GRHL3: variants seen among roughly 807,000 people sequenced by gnomAD.
GRHL3 encodes grainyhead like transcription factor 3.
In GRHL3, 20 loss-of-function variants were observed where a neutral mutation model predicts 70.3. The observed-to-expected ratio is 0.28, with a 90% CI of 0.20 to 0.41. GRHL3 has a LOEUF of 0.41. Among genes scored for constraint, GRHL3 ranks in the 10% least tolerant of loss-of-function variants. GRHL3 has a pLI of 1.00. For synonymous variants in GRHL3, 299 were observed against 299.9 expected (o/e 1.00, Z 0.03); for missense variants, 637 against 762.3 (o/e 0.84, Z 1.94).
intron 13 of GRHL3, 52 bp from the exon 14 acceptor site, chr1:24,347,416 T>G: frequency 1.0e-5 from 15 of 1,433,328 alleles, no homozygotes; most frequent in Non-Finnish European, 1.2e-5. Context: ...GCCCCTGAGA[T>G]GATCCTGTTC....
At chr1:24,358,919 AAAG>A (rs1640904610), downstream of GRHL3, among the ~76,000 whole-genome samples, 1 of 152,228 alleles carries the variant, frequency 6.6e-6, no homozygotes, top group African/African-American at 2.4e-5. Context: ...CAATATTCTT[AAAG>A]AAGCAAGGTG....
At chr1:24,347,830 TG>T (rs1208192340) in intron 14 of GRHL3, among the ~76,000 whole-genome samples, 1 of 152,220 alleles carries the variant, frequency 6.6e-6, no homozygotes, top group Non-Finnish European at 1.5e-5. Context: ...CAGGGTTTTT[TG>T]TTGGCTTTGC....
intron 15 of GRHL3, among the ~76,000 whole-genome samples, chr1:24,360,567 A>G (rs1392781362): frequency 6.6e-6 from 1 of 152,250 alleles, no homozygotes. Flanking sequence ...TCTTCAGCCA[A>G]CTGCAGAGTC....
rs551243839 is a variant in GRHL3 at position 24,338,155 on chromosome 1, C to G, written c.952+52C>G. 14 of 1,237,300 alleles carry G rather than the reference C, an allele frequency of 1.1e-5. No homozygotes were observed. The South Asian group carries it at 1.5e-4, about 13-fold the overall frequency. The allele number at this position is 1,237,300 out of a possible 1,614,324, so 76.6% of individuals were successfully genotyped here. On this transcript the variant is annotated intron_variant, in intron 7 of 15. Transcript: ENST00000361548. Reference sequence around the variant, plus strand: ...CAGCTCCCCTCTCTCTCCCCACCCCCGCATCAATCAGGCCTTTTTCTTACT... The same window carrying G: ...CAGCTCCCCTCTCTCTCCCCACCCCGGCATCAATCAGGCCTTTTTCTTACT...
chr1:24,364,098 C>T, intron 15 of GRHL3: 1 of 1,447,014 alleles, frequency 6.9e-7, no homozygotes, highest in African/African-American at 1.4e-5. Context: ...CAACTCCATG[C>T]CTTTGTCCCT....
At position 24,342,894 on chromosome 1, in the gene GRHL3, G is replaced by A. The variant is rs199801227; in HGVS notation, c.1288G>A (p.Val430Ile). Reference sequence around the variant, plus strand: ...CATTGGCTTCCTTCTCCCATCAGGCGTCAAGGGCTGCCTGCTGTCGGGCTT... The same window carrying A: ...CATTGGCTTCCTTCTCCCATCAGGCATCAAGGGCTGCCTGCTGTCGGGCTT... ...VKCPDSSNSG[V>I]KGCLLSGFRG... Residue 430 changes from valine (V) to isoleucine (I), a missense_variant and splice_region_variant, in exon 11 of 16, where the codon GTC becomes ATC. Around this residue, in one of 2 missense-constraint regions of GRHL3, gnomAD observed 387 missense variants for 513.8 expected, o/e 0.75. Transcript: ENST00000361548. The surrounding 1 kb of genome is among the most constrained non-coding windows in gnomAD (Gnocchi z 4.8). 123 of 1,614,190 alleles carry A rather than the reference G, an allele frequency of 7.6e-5. No homozygotes were observed. Among genetic ancestry groups the A allele is most frequent in the African/African-American group, 2.5e-4 (19 of 75,042 alleles).
rs1385672664 is a variant in GRHL3, at chr1:24,352,052, G to A, written c.1694+1930G>A. ...ATAAAGGATGCAGCCAGGCTGGCCA[G>A]TTTATTTGCCCAGCACCATAGCCAG... On this transcript the variant is annotated intron_variant, in intron 15 of 15. Coordinates refer to ENST00000361548, the MANE Select transcript of GRHL3 (RefSeq NM_198173.3). 2.0e-5 allele frequency among the ~76,000 whole-genome samples: 3 copies of A among 152,090 alleles called. No individual in the cohort carries two copies. The East Asian group carries it at 5.8e-4, about 29-fold the overall frequency.
intron 1 of GRHL3, among the ~76,000 whole-genome samples, chr1:24,327,155 G>A (rs1351208875): frequency 1.3e-5 from 2 of 152,166 alleles, no homozygotes; most frequent in East Asian, 1.9e-4. Context: ...CTACCTTAAT[G>A]TACTTAATTC....
intron 7 of GRHL3, among the ~76,000 whole-genome samples, chr1:24,338,470 C>T (rs1024004659): frequency 5.3e-5 from 8 of 152,174 alleles, no homozygotes; most frequent in South Asian, 2.1e-4. Flanking sequence ...GGGAGCTGGG[C>T]GGGGGAAAGG....
chr1:24,359,429 G>C (rs1640946386), downstream of GRHL3, among the ~76,000 whole-genome samples: 1 of 152,216 alleles, frequency 6.6e-6, no homozygotes. This position sits in a 1 kb window ranked among gnomAD's most constrained non-coding sequence, Gnocchi z 5.3. Flanking sequence ...TTGCATGTTT[G>C]CAATGCTGAG....
At chr1:24,324,427 G>A (rs946347190) in intron 1 of GRHL3, among the ~76,000 whole-genome samples, 1 of 152,192 alleles carries the variant, frequency 6.6e-6, no homozygotes, top group African/African-American at 2.4e-5. Flanking sequence ...TCATAGGCTG[G>A]AAAAGGCTGT....
intron 1 of GRHL3, among the ~76,000 whole-genome samples, chr1:24,329,189 C>T (rs1362576774): frequency 6.6e-6 from 1 of 152,342 alleles, no homozygotes; most frequent in African/African-American, 2.4e-5. Context: ...ACCTCCCTTC[C>T]TCTCAGAGCC....
chr1:24,346,008 T>G (rs1569910059), intron 12 of GRHL3, among the ~76,000 whole-genome samples: 1 of 152,284 alleles, frequency 6.6e-6, no homozygotes, highest in East Asian at 1.9e-4. Flanking sequence ...TTGCCTTGCT[T>G]TATGGATGCG....
chr1:24,356,647 T>C (rs542381199), downstream of GRHL3, among the ~76,000 whole-genome samples: 2 of 152,358 alleles, frequency 1.3e-5, no homozygotes, highest in African/African-American at 4.8e-5. Context: ...GGCTATAAAA[T>C]GCAGGTCATG....
intron 15 of GRHL3, among the ~76,000 whole-genome samples, chr1:24,354,131 G>GT (rs780590340): frequency 7.2e-5 from 11 of 151,938 alleles, no homozygotes; most frequent in Non-Finnish European, 1.6e-4. Flanking sequence ...CGCAGTAGCT[G>GT]TGAGTGTGGG....
At chr1:24,359,353 C>T (rs1296714203), downstream of GRHL3, among the ~76,000 whole-genome samples, 1 of 152,238 alleles carries the variant, frequency 6.6e-6, no homozygotes, top group Non-Finnish European at 1.5e-5. This position sits in a 1 kb window ranked among gnomAD's most constrained non-coding sequence, Gnocchi z 5.3. Context: ...TGTGGTAGAG[C>T]AGGGTCAAAG....
Position 24,350,058 on chromosome 1 carries a change from A to T in GRHL3, c.1630A>T (p.Ile544Phe). ...TPDLKGLRNA[I>F]SEKYGFPEEN... ...TGAATCACCTGTCTTTTCCTTCCAG[A>T]TCTCTGAGAAGTATGGGTTCCCTGA... Residue 544 changes from isoleucine to phenylalanine, a missense_variant and splice_region_variant, in exon 15 of 16, where the codon ATC (isoleucine) becomes TTC (phenylalanine). By Grantham distance (21) the Ile-to-Phe change is conservative. This residue lies in a region of GRHL3 where 387 missense variants were observed against 513.8 expected (regional missense o/e 0.75). Coordinates refer to ENST00000361548, the MANE Select transcript of GRHL3 (RefSeq NM_198173.3). 1 of 1,612,266 alleles carries T rather than the reference A, an allele frequency of 6.2e-7. No homozygotes were observed.
intron 1 of GRHL3, among the ~76,000 whole-genome samples, chr1:24,323,402 T>C (rs1569851255): frequency 6.6e-6 from 1 of 152,174 alleles, no homozygotes; most frequent in African/African-American, 2.4e-5. Context: ...GTCCAAGTTG[T>C]AAAACTGTTG....
chr1:24,324,494 T>C (rs984325190), intron 1 of GRHL3, among the ~76,000 whole-genome samples: 36 of 152,226 alleles, frequency 2.4e-4, no homozygotes, highest in African/African-American at 7.7e-4. Context: ...ATAATAAAAG[T>C]AGTTCACATT....
Sources: gnomAD v4.1 joint callset for allele counts (sites outside exome capture counted in the v4.1 genomes callset) on GRCh38, gnomAD v4.1.1 for gene constraint, gnomAD v4.1.1 regional missense constraint, Gnocchi (gnomAD v3.1) non-coding constraint, MANE v1.5 for transcripts, NCBI Gene and HGNC (gene_info 2026-07-23, HGNC 2026-07-21) for gene names.